The following RP1 variants were observed in gnomAD, a reference collection of about 807,000 sequenced individuals.
The protein encoded by RP1 is oxygen-regulated protein 1.
In RP1, 16 loss-of-function variants were observed where a neutral mutation model predicts 14.8. That is an observed-to-expected ratio of 1.08 (90% CI 0.73 to 1.65). The LOEUF is 1.65. RP1 is among the 40% of genes most tolerant of loss of function. The pLI is 0.00. For missense variants in RP1, 2,631 were observed against 2,535.0 expected (o/e 1.04, Z -0.81); for synonymous variants, 876 against 883.6 (o/e 0.99, Z 0.15).
chr8:54,633,698 C>T (rs1806291219), downstream of RP1, among the ~76,000 whole-genome samples: 1 of 136,196 alleles, frequency 7.3e-6, no homozygotes, highest in Admixed American at 7.9e-5. Context: ...TGTATTTTAG[C>T]TTTATTTTGT....
intron 1 of RP1, 95 bp from the exon 2 acceptor site, chr8:54,620,860 T>A: frequency 8.4e-7 from 1 of 1,185,386 alleles, no homozygotes; most frequent in Non-Finnish European, 1.3e-6. Context: ...TCTGTGAATA[T>A]CCTGGATGTC....
rs16920655 is a variant in RP1 at position 54,706,697 on chromosome 8, A to G, written c.2211+42A>G. ...GTTTCTCTCAGCAAATGTTTAAGAC[A>G]TTTGCCAGTTGTAGACATGAGAATA... On this transcript the variant is annotated intron_variant, in intron 15 of 22. Transcript: ENST00000636932. 3.3e-6 allele frequency: 5 copies of G among 1,528,968 alleles called. 1 individual carries two copies. Among genetic ancestry groups the G allele is most frequent in the Non-Finnish European group, 4.4e-6 (5 of 1,140,690 alleles). 94.7% of individuals were successfully genotyped at this position (1,528,968 alleles called of 1,614,324 possible).
At position 54,731,640 on chromosome 8, in the gene RP1, ATG is replaced by A. The variant is rs1808796980; in HGVS notation, c.2522-2901_2522-2900del. Among the ~76,000 whole-genome samples the A allele has an allele frequency of 7.9e-5, 12 of 152,226 alleles. No homozygotes were observed. In the South Asian group the frequency reaches 2.5e-3, roughly 32 times the overall value. On this transcript the variant is annotated intron_variant, in intron 17 of 22. Transcript: ENST00000636932. ...TTTATAATATGAGTGTACCCTGACAATGTGTTATTTTTGTGCAAATGATGCAA... is the reference window on the plus strand; with the variant it reads ...TTTATAATATGAGTGTACCCTGACAATGTTATTTTTGTGCAAATGATGCAA...
At chr8:54,610,122 T>C (rs1210993954) in intron 1 of RP1, among the ~76,000 whole-genome samples, 1 of 152,200 alleles carries the variant, frequency 6.6e-6, no homozygotes, top group Non-Finnish European at 1.5e-5. Flanking sequence ...GGTCTTGAGG[T>C]TACAGATAAA....
At chr8:54,658,674 T>A (rs955909754) in intron 6 of RP1, among the ~76,000 whole-genome samples, 1 of 152,206 alleles carries the variant, frequency 6.6e-6, no homozygotes, top group African/African-American at 2.4e-5. Flanking sequence ...TTGTGAATCA[T>A]GTTGTAATGA....
intron 12 of RP1, among the ~76,000 whole-genome samples, chr8:54,693,032 A>G (rs932233625): frequency 3.3e-5 from 5 of 152,304 alleles, no homozygotes; most frequent in African/African-American, 9.6e-5. Flanking sequence ...AGCTTTCTAC[A>G]TATGGCCAGC....
intron 24 of RP1, among the ~76,000 whole-genome samples, chr8:54,809,847 T>A (rs1198815346): frequency 6.6e-6 from 1 of 152,246 alleles, no homozygotes; most frequent in African/African-American, 2.4e-5. Flanking sequence ...CGAAAGCATT[T>A]TTTTCTCTGA....
At chr8:54,865,883 A>G (rs1020115458) in exon 28 of RP1, 4 of 1,229,992 alleles carry the variant, frequency 3.3e-6, no homozygotes, top group Non-Finnish European at 1.0e-6. Flanking sequence ...GAAGATGAAG[A>G]CAGCAGTGAA....
intron 1 of RP1, among the ~76,000 whole-genome samples, chr8:54,609,244 T>G (rs1482743031): frequency 1.3e-5 from 2 of 151,892 alleles, no homozygotes. Flanking sequence ...GAGGATTACT[T>G]GAGCCTAGGA....
chr8:54,653,534 TCTTCTTGAGTTTTA>T (rs1292563264), intron 5 of RP1, among the ~76,000 whole-genome samples: 1 of 152,196 alleles, frequency 6.6e-6, no homozygotes, highest in Non-Finnish European at 1.5e-5. Context: ...GCAAACTTAC[TCTTCTTGAGTTTTA>T]ACATGTGGAA....
At chr8:54,761,265 C>G in intron 22 of RP1, among the ~76,000 whole-genome samples, 1 of 121,712 alleles carries the variant, frequency 8.2e-6, no homozygotes, top group African/African-American at 3.1e-5. Flanking sequence ...GAGACGGAGT[C>G]TTGCTCTGTC....
chr8:54,696,097 C>T (rs1405816778), intron 12 of RP1, among the ~76,000 whole-genome samples: 1 of 151,994 alleles, frequency 6.6e-6, no homozygotes. Flanking sequence ...TTATTCTTAA[C>T]TAAAAGTGTT....
intron 1 of RP1, among the ~76,000 whole-genome samples, chr8:54,602,141 T>A (rs1347093518): frequency 6.6e-6 from 1 of 152,216 alleles, no homozygotes; most frequent in Non-Finnish European, 1.5e-5. Context: ...ACCCATTAAC[T>A]CTTCATTTAA....
At position 54,628,363 on chromosome 8, in the gene RP1, T is replaced by A. The variant is rs770964735; in HGVS notation, c.4481T>A (p.Ile1494Asn). 6 of 1,613,690 alleles carry A rather than the reference T, an allele frequency of 3.7e-6. No homozygotes were observed. In the South Asian group the frequency reaches 5.5e-5, roughly 15 times the overall value. Residue 1494 changes from isoleucine to asparagine, a missense_variant, in exon 4 of 4, where the codon ATC becomes AAC. Ile to Asn is a moderately radical substitution (Grantham distance 149). Transcript: ENST00000220676. Reference protein sequence around the residue: ...NGGEQATEELIQEEVEASKTL... With the variant: ...NGGEQATEELNQEEVEASKTL... ...GGAGAGCAAGCCACTGAAGAATTAA[T>A]CCAAGAAGAGGTAGAGGCTAGTAAA...
chr8:54,758,337 A>G (rs1809557951), intron 21 of RP1, among the ~76,000 whole-genome samples: 1 of 152,012 alleles, frequency 6.6e-6, no homozygotes, highest in Non-Finnish European at 1.5e-5. Flanking sequence ...GATATAACAA[A>G]CCAATTCTAT....
At chr8:54,616,808 T>C (rs973628119) in intron 1 of RP1, among the ~76,000 whole-genome samples, 4 of 152,216 alleles carry the variant, frequency 2.6e-5, no homozygotes, top group African/African-American at 9.7e-5. Flanking sequence ...AAATGACGCA[T>C]GTAACTCTGT....
At chr8:54,726,287 T>C (rs1808652078) in intron 16 of RP1, 1 of 1,480,574 alleles carries the variant, frequency 6.8e-7, no homozygotes, top group Non-Finnish European at 8.9e-7. Context: ...ATGATGAGTA[T>C]TCTGAGAAGA....
intron 24 of RP1, among the ~76,000 whole-genome samples, chr8:54,798,698 T>C (rs1487644063): frequency 6.6e-6 from 1 of 152,198 alleles, no homozygotes; most frequent in Non-Finnish European, 1.5e-5. Context: ...AAGTGATTTG[T>C]CCTCAGAATA....
At chr8:54,577,226 A>G (rs1372645221) in intron 1 of RP1, among the ~76,000 whole-genome samples, 1 of 151,978 alleles carries the variant, frequency 6.6e-6, no homozygotes, top group Non-Finnish European at 1.5e-5. Context: ...AAGTTGGTCA[A>G]CCTGGTCTCG....
Sources: gnomAD v4.1 joint callset for allele counts (sites outside exome capture counted in the v4.1 genomes callset) on GRCh38, gnomAD v4.1.1 for gene constraint, MANE v1.5 for transcripts, NCBI Gene and HGNC (gene_info 2026-07-23, HGNC 2026-07-21) for gene names.